Variants in CADM1 observed in about 807,000 individuals in gnomAD.
The protein encoded by CADM1 is TSLC-1.
A neutral mutation model predicts 53.1 loss-of-function variants in CADM1; 15 were observed. The ratio of observed to expected loss-of-function variants is 0.28; its 90% CI spans 0.19 to 0.44. CADM1 has a LOEUF of 0.44. CADM1 is among the 20% of genes least tolerant of loss of function. The pLI, the probability that CADM1 is intolerant of heterozygous loss-of-function variation, is 1.00. For missense variants in CADM1, 434 were observed against 611.3 expected (o/e 0.71, Z 3.06); for synonymous variants, 281 against 243.0 (o/e 1.16, Z -1.45).
chr11:115,387,415 G>A (rs568472712), intron 1 of CADM1, among the ~76,000 whole-genome samples: 100 of 152,146 alleles, frequency 6.6e-4, no homozygotes, highest in Non-Finnish European at 1.2e-3. Flanking sequence ...GGAAAATGAA[G>A]CAAAGGGAAA....
At chr11:115,333,275 C>A (rs2135222981) in intron 1 of CADM1, among the ~76,000 whole-genome samples, 1 of 152,254 alleles carries the variant, frequency 6.6e-6, no homozygotes, top group Middle Eastern at 3.4e-3. Flanking sequence ...TCACTTAAAA[C>A]CCTCAAAGGC....
intron 1 of CADM1, among the ~76,000 whole-genome samples, chr11:115,490,883 A>G (rs1235000445): frequency 6.6e-6 from 1 of 152,342 alleles, no homozygotes; most frequent in Non-Finnish European, 1.5e-5. Flanking sequence ...ATGGGGCAAC[A>G]GTGGTAACTA....
At chr11:115,186,216 C>G (rs1448107161) in intron 10 of CADM1, among the ~76,000 whole-genome samples, 1 of 152,196 alleles carries the variant, frequency 6.6e-6, no homozygotes, top group Non-Finnish European at 1.5e-5. Context: ...CCAGCCATCA[C>G]TTTCCCATGG....
At chr11:115,270,016 G>C (rs766789530) in intron 1 of CADM1, among the ~76,000 whole-genome samples, 2 of 152,148 alleles carry the variant, frequency 1.3e-5, no homozygotes, top group Non-Finnish European at 2.9e-5. Context: ...CGACGAAGAG[G>C]ATTTGTGTAA....
intron 1 of CADM1, among the ~76,000 whole-genome samples, chr11:115,365,608 G>GTA (rs1206348573): frequency 2.6e-5 from 4 of 151,762 alleles, no homozygotes; most frequent in Non-Finnish European, 5.9e-5. Context: ...TAGAAGGTAT[G>GTA]TATTTATAAT....
intron 10 of CADM1, chr11:115,190,668 T>A: frequency 1.8e-6 from 1 of 551,642 alleles, no homozygotes; most frequent in Non-Finnish European, 3.2e-6. Flanking sequence ...CTCTCCTGCG[T>A]TAATTAAATT....
At chr11:115,198,462 G>T in intron 8 of CADM1, 24 bp from the exon 9 acceptor site, 1 of 1,592,820 alleles carries the variant, frequency 6.3e-7, no homozygotes, top group Non-Finnish European at 8.5e-7. Flanking sequence ...CAGAGGATTG[G>T]AGGAAGGGAA....
chr11:115,252,875 A>G (rs1032538158), intron 1 of CADM1, among the ~76,000 whole-genome samples: 1 of 152,192 alleles, frequency 6.6e-6, no homozygotes, highest in Non-Finnish European at 1.5e-5. Context: ...TAAATGACAA[A>G]TTGCACAAAA....
At chr11:115,355,359 C>T (rs1945838629) in intron 1 of CADM1, among the ~76,000 whole-genome samples, 1 of 152,020 alleles carries the variant, frequency 6.6e-6, no homozygotes. Flanking sequence ...AACACAGGAA[C>T]AGAAAAACCA....
intron 1 of CADM1, among the ~76,000 whole-genome samples, chr11:115,325,410 A>G (rs1944935568): frequency 6.6e-6 from 1 of 152,186 alleles, no homozygotes; most frequent in Non-Finnish European, 1.5e-5. Context: ...AACTGCAATA[A>G]AAGCAGGATG....
intron 1 of CADM1, among the ~76,000 whole-genome samples, chr11:115,253,184 T>C (rs572242534): frequency 6.6e-6 from 1 of 152,342 alleles, no homozygotes; most frequent in South Asian, 2.1e-4. Context: ...GGGCTGTATA[T>C]GGTCTGTGGG....
At chr11:115,292,731 G>A (rs554861853) in intron 1 of CADM1, among the ~76,000 whole-genome samples, 6 of 152,264 alleles carry the variant, frequency 3.9e-5, no homozygotes, top group Admixed American at 1.3e-4. Context: ...AACCAGGGGC[G>A]GTAGTTCAAA....
At chr11:115,262,538 C>T in intron 1 of CADM1, among the ~76,000 whole-genome samples, 1 of 152,186 alleles carries the variant, frequency 6.6e-6, no homozygotes, top group East Asian at 1.9e-4. Context: ...CTTATTCAAA[C>T]CTCTGCATGC....
chr11:115,484,051 T>C (rs1445370003), intron 1 of CADM1, among the ~76,000 whole-genome samples: 3 of 152,190 alleles, frequency 2.0e-5, no homozygotes, highest in African/African-American at 7.2e-5. Flanking sequence ...AAAGGTAACA[T>C]GCAAAATGTC....
At chr11:115,384,796 G>A (rs1946659621) in intron 1 of CADM1, among the ~76,000 whole-genome samples, 1 of 152,152 alleles carries the variant, frequency 6.6e-6, no homozygotes, top group Admixed American at 6.5e-5. Context: ...AGGGGTTAAT[G>A]GAAATAATGT....
At position 115,415,099 on chromosome 11, in the gene CADM1, A is replaced by G. The variant is rs564890982; in HGVS notation, c.124+89172T>C. ...TTTTGAGCTTGAAAAATTGGTTTCA[A>G]ATCCCAGTTAAAATATGGAGTGGTT... is the stretch of plus-strand genomic sequence containing the variant. On this transcript the variant is annotated intron_variant, in intron 1 of 11. Transcript: ENST00000331581. Among the ~76,000 whole-genome samples the G allele has an allele frequency of 6.6e-5, 10 of 152,306 alleles. No individual in the cohort carries two copies. The East Asian group carries it at 1.9e-3, about 29-fold the overall frequency.
intron 1 of CADM1, among the ~76,000 whole-genome samples, chr11:115,353,287 C>T (rs1945784023): frequency 1.3e-5 from 2 of 152,098 alleles, no homozygotes; most frequent in South Asian, 4.1e-4. Flanking sequence ...ACAGCACTGT[C>T]CAACAGAACT....
intron 1 of CADM1, among the ~76,000 whole-genome samples, chr11:115,327,791 C>A (rs551235999): frequency 6.6e-5 from 10 of 152,226 alleles, no homozygotes; most frequent in African/African-American, 2.4e-4. Flanking sequence ...CAGATTACTG[C>A]AAGATTAAAT....
chr11:115,274,604 C>T (rs1389253473), intron 1 of CADM1, among the ~76,000 whole-genome samples: 1 of 152,216 alleles, frequency 6.6e-6, no homozygotes, highest in Non-Finnish European at 1.5e-5. Context: ...GGAGACAAGA[C>T]AACAGCAACA....
Sources: gnomAD v4.1 joint callset for allele counts (sites outside exome capture counted in the v4.1 genomes callset) on GRCh38, gnomAD v4.1.1 for gene constraint, MANE v1.5 for transcripts, NCBI Gene and HGNC (gene_info 2026-07-23, HGNC 2026-07-21) for gene names.